TSHZ2: variants seen among roughly 807,000 people sequenced by gnomAD.
TSHZ2 encodes the protein teashirt homolog 2.
A neutral mutation model predicts 74.4 loss-of-function variants in TSHZ2; 21 were observed. The ratio of observed to expected loss-of-function variants is 0.28; its 90% confidence interval spans 0.20 to 0.41. The LOEUF is 0.41. Among genes scored for constraint, TSHZ2 ranks in the 10% least tolerant of loss-of-function variants. The pLI is 1.00. For missense variants in TSHZ2, 1,244 were observed against 1,293.5 expected (o/e 0.96, Z 0.59); for synonymous variants, 540 against 515.3 (o/e 1.05, Z -0.65).
intron 2 of TSHZ2, among the ~76,000 whole-genome samples, chr20:53,452,469 G>A (rs1984831188): frequency 6.6e-6 from 1 of 152,020 alleles, no homozygotes; most frequent in Non-Finnish European, 1.5e-5. Flanking sequence ...GCATGGTAAA[G>A]TGTACCTGTA....
chr20:53,380,166 A>G (rs541900327), intron 2 of TSHZ2, among the ~76,000 whole-genome samples: 33 of 130,338 alleles, frequency 2.5e-4, no homozygotes, highest in African/African-American at 1.0e-3. Flanking sequence ...GTGTGTGTGC[A>G]CACGCATGTG....
At chr20:52,979,310 A>T (rs930999803) in intron 1 of TSHZ2, among the ~76,000 whole-genome samples, 1 of 152,196 alleles carries the variant, frequency 6.6e-6, no homozygotes, top group African/African-American at 2.4e-5. Flanking sequence ...TGTAATAAAA[A>T]TTAGAGACTT....
chr20:53,129,654 CAT>C (rs1398777247), intron 1 of TSHZ2, among the ~76,000 whole-genome samples: 1 of 152,116 alleles, frequency 6.6e-6, no homozygotes, highest in Non-Finnish European at 1.5e-5. Flanking sequence ...CCTTATGAAA[CAT>C]GACATTATCA....
chr20:53,403,200 A>G (rs1982730884), intron 2 of TSHZ2, among the ~76,000 whole-genome samples: 1 of 152,318 alleles, frequency 6.6e-6, no homozygotes, highest in East Asian at 1.9e-4. Context: ...GATGGCCTCC[A>G]GTTCCATCCA....
intron 1 of TSHZ2, among the ~76,000 whole-genome samples, chr20:53,192,562 G>GA (rs35358292): frequency 0.18 from 22,331 of 127,122 alleles, 1,888 homozygotes; most frequent in African/African-American, 0.22. Flanking sequence ...TTAGTGTCTG[G>GA]AAAAAAAAAA....
Position 53,489,253 on chromosome 20 carries a change from T to C in TSHZ2, c.*2118T>C, listed in dbSNP as rs1986382360. 1.8e-5 allele frequency: 8 copies of C among 451,444 alleles called. No individual in the cohort carries two copies. Among genetic ancestry groups the C allele is most frequent in the Admixed American group, 1.7e-4 (7 of 42,210 alleles). The allele number at this position is 451,444 out of a possible 1,614,324, so 28.0% of individuals were successfully genotyped here. ...TATGATGGGAGGATCATAAAGTGAA[T>C]TGAGAACAGTGAGGTCTGTCTTTGC... On this transcript the variant is annotated 3_prime_UTR_variant, in exon 3 of 3. Transcript: ENST00000371497.
chr20:53,029,050 T>C (rs1369220925), intron 1 of TSHZ2, among the ~76,000 whole-genome samples: 1 of 152,230 alleles, frequency 6.6e-6, no homozygotes, highest in Non-Finnish European at 1.5e-5. Flanking sequence ...TACATGTGAA[T>C]TATCAAGCAT....
At chr20:53,169,947 AGT>A (rs1267464565) in intron 1 of TSHZ2, among the ~76,000 whole-genome samples, 3 of 152,196 alleles carry the variant, frequency 2.0e-5, no homozygotes, top group Admixed American at 2.0e-4. Flanking sequence ...TGTGTGTATA[AGT>A]GTGTATATTT....
At chr20:53,253,471 C>A (rs754734586) in intron 1 of TSHZ2, 28 bp from the exon 2 acceptor site, 2 of 1,564,256 alleles carry the variant, frequency 1.3e-6, no homozygotes, top group South Asian at 1.2e-5. Flanking sequence ...CTGTTACTGT[C>A]GTTTCATCTC....
rs1463305112 is a variant in TSHZ2 at position 53,291,143 on chromosome 20, G to T, written c.*8+34572G>T. On this transcript the variant is annotated intron_variant, in intron 2 of 2. Coordinates refer to ENST00000371497, the MANE Select transcript of TSHZ2 (RefSeq NM_173485.6). ...AGGAAAGGTCACCAATTCACGGTGA[G>T]GGGTGCTAGTCAGTTCCAAATACCC... Among the ~76,000 whole-genome samples the T allele has an allele frequency of 4.6e-5, 7 of 152,150 alleles. 1 individual carries two copies. Among genetic ancestry groups the T allele is most frequent in the Non-Finnish European group, 7.4e-5 (5 of 68,022 alleles).
chr20:53,423,652 T>C lies in TSHZ2; in HGVS notation c.*9-63492T>C, dbSNP rs1355620348. Among the ~76,000 whole-genome samples, 3 of 152,182 alleles carry C rather than the reference T, an allele frequency of 2.0e-5. No homozygotes were observed. The East Asian group carries it at 5.8e-4, about 29-fold the overall frequency. Reference sequence around the variant, plus strand: ...GTTTAAGACAATCTCCCAAAGTCAATATGTGCTGGAAACTGTGCTGAGAAC... The same window carrying C: ...GTTTAAGACAATCTCCCAAAGTCAACATGTGCTGGAAACTGTGCTGAGAAC... On this transcript the variant is annotated intron_variant, in intron 2 of 2. Coordinates refer to ENST00000371497, the MANE Select transcript of TSHZ2 (RefSeq NM_173485.6).
Position 52,973,015 on chromosome 20 carries a change from A to C in TSHZ2, c.-279A>C. 2.5e-6 allele frequency: 1 copy of C among 400,784 alleles called. No homozygotes were observed. The highest frequency in any genetic ancestry group is 4.4e-6 in the Non-Finnish European group (1 of 227,614). 24.8% of individuals were successfully genotyped at this position (400,784 alleles called of 1,614,324 possible). Reference sequence around the variant, plus strand: ...AAGCAAAAACAAAAAAGAGAGAGGAAAAAAAATTCAAAATAAACAAACAAA... The same window carrying C: ...AAGCAAAAACAAAAAAGAGAGAGGACAAAAAATTCAAAATAAACAAACAAA... On this transcript the variant is annotated 5_prime_UTR_variant, in exon 1 of 3. Coordinates refer to ENST00000371497, the MANE Select transcript of TSHZ2 (RefSeq NM_173485.6).
At chr20:53,387,774 T>C (rs1982102106) in intron 2 of TSHZ2, among the ~76,000 whole-genome samples, 1 of 152,158 alleles carries the variant, frequency 6.6e-6, no homozygotes, top group East Asian at 1.9e-4. Flanking sequence ...TAGGCGGGCA[T>C]GGTGGTTCAC....
intron 1 of TSHZ2, among the ~76,000 whole-genome samples, chr20:53,084,642 C>CCTCTCTCCCTCT (rs1568751663): frequency 1.8e-5 from 2 of 110,224 alleles, no homozygotes; most frequent in Non-Finnish European, 3.8e-5. Flanking sequence ...TCCCTCCCTC[C>CCTCTCTCCCTCT]CTCTCTCCCT....
intron 1 of TSHZ2, among the ~76,000 whole-genome samples, chr20:53,114,100 A>G (rs1021945644): frequency 1.9e-5 from 2 of 104,658 alleles, no homozygotes; most frequent in African/African-American, 8.2e-5. Context: ...TCTCTTATGA[A>G]AAAAAAAAAA....
chr20:53,001,250 G>GTGTGTGTGTGTT (rs1568713646), intron 1 of TSHZ2, among the ~76,000 whole-genome samples: 2 of 128,958 alleles, frequency 1.6e-5, no homozygotes, highest in African/African-American at 5.7e-5. Context: ...GTGTGTGTGT[G>GTGTGTGTGTGTT]TGTGTTTGGG....
intron 2 of TSHZ2, among the ~76,000 whole-genome samples, chr20:53,385,046 G>T (rs891028783): frequency 6.6e-6 from 1 of 152,080 alleles, no homozygotes. Flanking sequence ...GCGTGAACCC[G>T]GGAGGCGGAG....
chr20:53,401,498 A>G (rs2145679888), intron 2 of TSHZ2, among the ~76,000 whole-genome samples: 1 of 152,244 alleles, frequency 6.6e-6, no homozygotes, highest in South Asian at 2.1e-4. Flanking sequence ...CCATCACCTG[A>G]GCAGTGTACA....
intron 1 of TSHZ2, among the ~76,000 whole-genome samples, chr20:53,075,806 G>T (rs1293513678): frequency 6.6e-6 from 1 of 152,180 alleles, no homozygotes; most frequent in Non-Finnish European, 1.5e-5. Flanking sequence ...AGCCACCATC[G>T]GTGGGAGCCA....
Sources: gnomAD v4.1 joint callset for allele counts (sites outside exome capture counted in the v4.1 genomes callset) on GRCh38, gnomAD v4.1.1 for gene constraint, MANE v1.5 for transcripts, NCBI Gene and HGNC (gene_info 2026-07-23, HGNC 2026-07-21) for gene names.